Variants in TMEM178B observed in about 807,000 individuals in gnomAD.
TMEM178B encodes the protein transmembrane protein 178B.
TMEM178B carries 5 observed loss-of-function variants against 31.0 expected under a neutral mutation model. The observed-to-expected ratio is 0.16, with a 90% CI of 0.08 to 0.34. TMEM178B has a LOEUF of 0.34. Ranked by LOEUF, TMEM178B falls within the 10% of genes least tolerant of loss-of-function variation. The probability of loss-of-function intolerance (pLI) is 1.00; values close to 1 mark genes in which losing one functional copy is unlikely to be tolerated. For synonymous variants in TMEM178B, 164 were observed against 164.0 expected (o/e 1.00, Z 0.00); for missense variants, 275 against 400.3 (o/e 0.69, Z 2.67).
At chr7:141,506,985 C>A in the TMEM178B span, among the ~76,000 whole-genome samples, 1 of 152,166 alleles carries the variant, frequency 6.6e-6, no homozygotes, top group Non-Finnish European at 1.5e-5. Flanking sequence ...AAATGATCTC[C>A]TTTGACTCCA....
chr7:141,486,236 C>T, the TMEM178B span, among the ~76,000 whole-genome samples: 9 of 151,960 alleles, frequency 5.9e-5, no homozygotes, highest in South Asian at 2.1e-4. Flanking sequence ...TGATAGACAA[C>T]GGAGACCCAG....
At chr7:141,217,033 G>C (rs1439188300) in intron 2 of TMEM178B, among the ~76,000 whole-genome samples, 1 of 152,292 alleles carries the variant, frequency 6.6e-6, no homozygotes, top group African/African-American at 2.4e-5. Flanking sequence ...TGGGTGGGCT[G>C]TCTGGTTTAC....
intron 2 of TMEM178B, among the ~76,000 whole-genome samples, chr7:141,312,522 G>T (rs182637971): frequency 6.6e-6 from 1 of 152,326 alleles, no homozygotes; most frequent in Admixed American, 6.5e-5. Context: ...GTTCTAACCC[G>T]TAGATATTTC....
At chr7:141,214,744 T>C (rs1797104437) in intron 2 of TMEM178B, among the ~76,000 whole-genome samples, 1 of 152,064 alleles carries the variant, frequency 6.6e-6, no homozygotes, top group Non-Finnish European at 1.5e-5. Flanking sequence ...CTCCAGGTTC[T>C]TATTCCCAAA....
chr7:141,388,076 A>G (rs975682146), intron 2 of TMEM178B, among the ~76,000 whole-genome samples: 4 of 152,206 alleles, frequency 2.6e-5, no homozygotes, highest in Non-Finnish European at 5.9e-5. Flanking sequence ...GTGACCGCAG[A>G]TGACATTATA....
chr7:141,245,519 G>A (rs564230018), intron 2 of TMEM178B, among the ~76,000 whole-genome samples: 3 of 152,300 alleles, frequency 2.0e-5, no homozygotes, highest in Admixed American at 6.5e-5. Flanking sequence ...AAAAGTCTCC[G>A]ATAGTCTGTT....
intron 3 of TMEM178B, among the ~76,000 whole-genome samples, chr7:141,452,864 A>T (rs1638516): frequency 0.77 from 116,721 of 151,602 alleles, 45,031 homozygotes; most frequent in South Asian, 0.85. Context: ...GAAAAAATAC[A>T]TTGTGGCTCC....
intron 2 of TMEM178B, among the ~76,000 whole-genome samples, chr7:141,218,387 C>T (rs569161101): frequency 6.6e-6 from 1 of 152,204 alleles, no homozygotes; most frequent in East Asian, 1.9e-4. Flanking sequence ...TGAGCAGGGA[C>T]ATTTTAGTGT....
chr7:141,237,354 GGGTA>G (rs1010795486), intron 2 of TMEM178B, among the ~76,000 whole-genome samples: 5 of 151,494 alleles, frequency 3.3e-5, no homozygotes, highest in African/African-American at 1.2e-4. Context: ...CTCAAAAATG[GGGTA>G]AGTGTTAAAC....
intron 2 of TMEM178B, among the ~76,000 whole-genome samples, chr7:141,305,436 C>CT (rs948152935): frequency 2.0e-4 from 30 of 151,060 alleles, no homozygotes; most frequent in South Asian, 8.4e-4. Flanking sequence ...TTCTTTTTTT[C>CT]TTTTTTTTTG....
the TMEM178B span, among the ~76,000 whole-genome samples, chr7:141,493,556 C>T: frequency 2.0e-5 from 3 of 152,304 alleles, no homozygotes; most frequent in South Asian, 6.2e-4. Flanking sequence ...AAGATCTTCT[C>T]AATTCTGTCT....
At chr7:141,501,799 C>G in the TMEM178B span, among the ~76,000 whole-genome samples, 1 of 152,088 alleles carries the variant, frequency 6.6e-6, no homozygotes, top group East Asian at 1.9e-4. Flanking sequence ...TGGACTTGCC[C>G]CAGCCTCCAC....
intron 2 of TMEM178B, among the ~76,000 whole-genome samples, chr7:141,320,899 C>T (rs1586890042): frequency 6.6e-6 from 1 of 152,282 alleles, no homozygotes; most frequent in East Asian, 1.9e-4. Flanking sequence ...CAGGCTGTGG[C>T]ACCCCATCTT....
the TMEM178B span, among the ~76,000 whole-genome samples, chr7:141,496,596 G>C: frequency 6.9e-6 from 1 of 144,346 alleles, no homozygotes. Context: ...CGTGAACCCG[G>C]GAGGCGGAGC....
intron 3 of TMEM178B, among the ~76,000 whole-genome samples, chr7:141,447,601 G>T (rs1028757905): frequency 2.0e-5 from 3 of 152,048 alleles, no homozygotes; most frequent in African/African-American, 7.2e-5. Flanking sequence ...TTCTTTCCTG[G>T]GCAATCATTT....
chr7:141,174,811 C>G (rs980754221), intron 1 of TMEM178B, among the ~76,000 whole-genome samples: 2 of 151,902 alleles, frequency 1.3e-5, no homozygotes, highest in African/African-American at 4.8e-5. Context: ...ATGGGGTTGT[C>G]TGTTTTTTCA....
intron 2 of TMEM178B, among the ~76,000 whole-genome samples, chr7:141,310,370 G>A (rs1239821531): frequency 3.3e-5 from 5 of 152,126 alleles, no homozygotes; most frequent in East Asian, 1.9e-4. Context: ...AAACTACAGC[G>A]AGACACTATC....
chr7:141,077,201 A>G (rs1055434039), intron 1 of TMEM178B, among the ~76,000 whole-genome samples: 11 of 152,238 alleles, frequency 7.2e-5, no homozygotes, highest in Non-Finnish European at 1.3e-4. Flanking sequence ...TTAGAAAAAG[A>G]TGTTTATCTC....
intron 2 of TMEM178B, among the ~76,000 whole-genome samples, chr7:141,337,056 C>T (rs1193704174): frequency 2.5e-5 from 2 of 78,464 alleles, no homozygotes; most frequent in East Asian, 3.0e-4. Flanking sequence ...ACCATCACCA[C>T]CACCACCATC....
Sources: allele counts gnomAD v4.1 joint callset (sites outside exome capture counted in the v4.1 genomes callset), GRCh38; gene constraint gnomAD v4.1.1; transcripts MANE v1.5; gene names NCBI Gene and HGNC (gene_info 2026-07-23, HGNC 2026-07-21).